SAMTOR: variants seen among roughly 807,000 people sequenced by gnomAD.
The protein encoded by SAMTOR is S-adenosylmethionine sensor upstream of mTORC1.
chr7:112,924,020 A>G, the SAMTOR span, among the ~76,000 whole-genome samples: 1 of 144,884 alleles, frequency 6.9e-6, no homozygotes, highest in South Asian at 2.3e-4. Context: ...AGGAAGGGGA[A>G]GATCACACTC....
the SAMTOR span, among the ~76,000 whole-genome samples, chr7:112,909,302 A>G: frequency 6.6e-6 from 1 of 152,232 alleles, no homozygotes; most frequent in Non-Finnish European, 1.5e-5. Flanking sequence ...GAACAGGGAA[A>G]GACCCCATCT....
the SAMTOR span, among the ~76,000 whole-genome samples, chr7:112,887,257 A>T: frequency 6.6e-6 from 1 of 151,142 alleles, no homozygotes; most frequent in Non-Finnish European, 1.5e-5. Flanking sequence ...TCAGGCAACT[A>T]GATAAATTCT....
At chr7:112,920,706 G>C in the SAMTOR span, among the ~76,000 whole-genome samples, 1 of 145,446 alleles carries the variant, frequency 6.9e-6, no homozygotes, top group South Asian at 2.3e-4. Flanking sequence ...AAACCCCACT[G>C]TCTCAGCCCA....
At chr7:112,902,435 A>C in the SAMTOR span, among the ~76,000 whole-genome samples, 406 of 111,364 alleles carry the variant, frequency 3.6e-3, 82 homozygotes, top group East Asian at 0.078. Flanking sequence ...AAAACAAAAA[A>C]AAACAAAAAA....
At chr7:112,872,913 C>A in the SAMTOR span, among the ~76,000 whole-genome samples, 1 of 151,960 alleles carries the variant, frequency 6.6e-6, no homozygotes, top group African/African-American at 2.4e-5. Flanking sequence ...AGAATGCAGT[C>A]CCCTTTACAG....
chr7:112,922,091 G>C, the SAMTOR span, among the ~76,000 whole-genome samples: 4 of 152,090 alleles, frequency 2.6e-5, no homozygotes, highest in Non-Finnish European at 5.9e-5. Context: ...GAGTGCCTGC[G>C]ATTACAGGCG....
the SAMTOR span, among the ~76,000 whole-genome samples, chr7:112,917,378 G>C: frequency 6.6e-6 from 1 of 152,364 alleles, no homozygotes; most frequent in South Asian, 2.1e-4. Flanking sequence ...CAGACCTGCA[G>C]CTGAGGGTCC....
At chr7:112,853,955 C>T in the SAMTOR span, among the ~76,000 whole-genome samples, 3 of 151,938 alleles carry the variant, frequency 2.0e-5, no homozygotes, top group East Asian at 1.9e-4. Flanking sequence ...AAAGAAAATG[C>T]GTTGAGAGTC....
At chr7:112,880,986 G>A in the SAMTOR span, among the ~76,000 whole-genome samples, 3 of 152,062 alleles carry the variant, frequency 2.0e-5, no homozygotes, top group South Asian at 2.1e-4. Context: ...AAGGGAAAGA[G>A]CCCCACCCTC....
chr7:112,830,806 A>G, the SAMTOR span, among the ~76,000 whole-genome samples: 2 of 152,194 alleles, frequency 1.3e-5, no homozygotes, highest in African/African-American at 4.8e-5. Flanking sequence ...TCATGCAGGA[A>G]TTTACCAGTA....
the SAMTOR span, among the ~76,000 whole-genome samples, chr7:112,876,696 T>C: frequency 2.0e-5 from 3 of 152,192 alleles, no homozygotes; most frequent in Non-Finnish European, 2.9e-5. Flanking sequence ...TAAAAATATA[T>C]TGTTTCTTAA....
chr7:112,934,696 A>G, the SAMTOR span, among the ~76,000 whole-genome samples: 1 of 152,208 alleles, frequency 6.6e-6, no homozygotes, highest in Non-Finnish European at 1.5e-5. Flanking sequence ...TTATATATAC[A>G]GATGTCTGTG....
the SAMTOR span, among the ~76,000 whole-genome samples, chr7:112,866,127 A>G: frequency 6.6e-6 from 1 of 152,154 alleles, no homozygotes; most frequent in Non-Finnish European, 1.5e-5. Flanking sequence ...CCTTAAATAC[A>G]CACAGCTAAA....
the SAMTOR span, among the ~76,000 whole-genome samples, chr7:112,914,790 A>AGTGT: frequency 6.6e-6 from 1 of 152,220 alleles, no homozygotes. Context: ...AAACAAAACA[A>AGTGT]GTGTGTCAAA....
At chr7:112,916,123 C>A in the SAMTOR span, among the ~76,000 whole-genome samples, 42 of 152,150 alleles carry the variant, frequency 2.8e-4, no homozygotes, top group Non-Finnish European at 5.1e-4. Context: ...CTTTGGAAGC[C>A]TCTCCAAAGT....
the SAMTOR span, among the ~76,000 whole-genome samples, chr7:112,868,138 G>C: frequency 1.3e-5 from 2 of 152,220 alleles, no homozygotes; most frequent in Non-Finnish European, 2.9e-5. Flanking sequence ...TGCCAAAAGG[G>C]TTGGGGACTG....
chr7:112,838,904 G>C, the SAMTOR span, among the ~76,000 whole-genome samples: 4 of 151,194 alleles, frequency 2.6e-5, no homozygotes, highest in African/African-American at 7.3e-5. Context: ...ATGAGGGAAC[G>C]GAGGGAAAAA....
At chr7:112,897,963 G>A in the SAMTOR span, among the ~76,000 whole-genome samples, 7 of 152,256 alleles carry the variant, frequency 4.6e-5, no homozygotes, top group African/African-American at 9.6e-5. Context: ...CCCAAGCCCC[G>A]GCAGTACACC....
At chr7:112,880,111 A>T in the SAMTOR span, among the ~76,000 whole-genome samples, 1 of 152,190 alleles carries the variant, frequency 6.6e-6, no homozygotes, top group Non-Finnish European at 1.5e-5. Context: ...AATTTCTTTC[A>T]GTAGAAAATA....
Sources: allele counts gnomAD v4.1 joint callset (sites outside exome capture counted in the v4.1 genomes callset), GRCh38; gene constraint gnomAD v4.1.1; transcripts MANE v1.5; gene names NCBI Gene and HGNC (gene_info 2026-07-23, HGNC 2026-07-21).